The following LHFPL6 variants were observed in gnomAD, a reference collection of about 807,000 sequenced individuals.
LHFPL6 encodes LHFPL tetraspan subfamily member 6 protein.
In LHFPL6, 9 loss-of-function variants were observed where a neutral mutation model predicts 20.6. The ratio of observed to expected loss-of-function variants is 0.44; its 90% CI spans 0.26 to 0.76. The LOEUF (loss-of-function observed/expected upper bound fraction) is 0.76. Among genes scored for constraint, LHFPL6 ranks in the 30% least tolerant of loss-of-function variants. The pLI is 0.20. For synonymous variants in LHFPL6, 105 were observed against 98.7 expected (o/e 1.06, Z -0.38); for missense variants, 218 against 253.5 (o/e 0.86, Z 0.95).
intron 2 of LHFPL6, among the ~76,000 whole-genome samples, chr13:39,450,557 GTCTC>G (rs889539748): frequency 4.5e-4 from 69 of 152,248 alleles, no homozygotes; most frequent in African/African-American, 1.5e-3. Context: ...AGATATCTGT[GTCTC>G]TCTCTATCTA....
chr13:39,399,742 A>C (rs1398094210), intron 2 of LHFPL6, among the ~76,000 whole-genome samples: 1 of 152,212 alleles, frequency 6.6e-6, no homozygotes, highest in Non-Finnish European at 1.5e-5. Flanking sequence ...GGCACCTGAA[A>C]GGAGATGAAG....
chr13:39,545,278 G>T (rs1303788970), intron 2 of LHFPL6, among the ~76,000 whole-genome samples: 2 of 150,200 alleles, frequency 1.3e-5, no homozygotes, highest in East Asian at 1.9e-4. Flanking sequence ...GTGACTAAGG[G>T]TAAGTGGTCA....
chr13:39,496,261 G>A (rs1869097671), intron 2 of LHFPL6, among the ~76,000 whole-genome samples: 1 of 152,076 alleles, frequency 6.6e-6, no homozygotes, highest in Admixed American at 6.6e-5. Context: ...TTCTTTTTGT[G>A]TTCTCCCATG....
chr13:39,566,113 G>A (rs1566143255), intron 2 of LHFPL6, among the ~76,000 whole-genome samples: 2 of 152,058 alleles, frequency 1.3e-5, no homozygotes, highest in African/African-American at 2.4e-5. Context: ...TGCCTCTCAA[G>A]TTCAACATGT....
intron 2 of LHFPL6, among the ~76,000 whole-genome samples, chr13:39,504,570 T>C (rs1248880953): frequency 1.3e-5 from 2 of 152,172 alleles, no homozygotes; most frequent in Admixed American, 1.3e-4. Flanking sequence ...TTGCAGGTGG[T>C]CCCCTTCTTG....
intron 2 of LHFPL6, among the ~76,000 whole-genome samples, chr13:39,489,732 T>A (rs536945757): frequency 6.6e-6 from 1 of 152,136 alleles, no homozygotes; most frequent in Non-Finnish European, 1.5e-5. Context: ...TTTGTATTTT[T>A]AGTAGAGACG....
intron 2 of LHFPL6, among the ~76,000 whole-genome samples, chr13:39,387,325 G>C (rs1245187105): frequency 6.6e-6 from 1 of 151,914 alleles, no homozygotes; most frequent in African/African-American, 2.4e-5. Flanking sequence ...GAAGTGCGTG[G>C]ATCACCAGGT....
intron 2 of LHFPL6, among the ~76,000 whole-genome samples, chr13:39,385,324 T>A (rs1484788565): frequency 6.6e-6 from 1 of 152,268 alleles, no homozygotes; most frequent in Non-Finnish European, 1.5e-5. Flanking sequence ...CCTGCGGTTT[T>A]TGGGTTCACC....
chr13:39,595,962 T>C (rs538163170), intron 2 of LHFPL6, among the ~76,000 whole-genome samples: 2 of 152,316 alleles, frequency 1.3e-5, no homozygotes, highest in African/African-American at 4.8e-5. Context: ...TGATCTATAG[T>C]ACGGTCTTCC....
At chr13:39,515,513 C>T (rs752658266) in intron 2 of LHFPL6, among the ~76,000 whole-genome samples, 14 of 152,190 alleles carry the variant, frequency 9.2e-5, no homozygotes, top group Non-Finnish European at 2.1e-4. Flanking sequence ...TAAAGGCTGT[C>T]GCCTTTCTCC....
At chr13:39,447,299 A>C (rs1395574151) in intron 2 of LHFPL6, among the ~76,000 whole-genome samples, 2 of 152,330 alleles carry the variant, frequency 1.3e-5, no homozygotes, top group Non-Finnish European at 2.9e-5. Context: ...ATTATAAGGG[A>C]AATTTTCATA....
Position 39,547,430 on chromosome 13 carries a change from T to C in LHFPL6, c.385+53402A>G, listed in dbSNP as rs1190637464. On this transcript the variant is annotated intron_variant, in intron 2 of 3. Coordinates refer to ENST00000379589, the MANE Select transcript of LHFPL6 (RefSeq NM_005780.3). ...ACCTTTTAATCCACCAGTAACAAGA[T>C]TTACTATGTTGTTGGCTGAGATCAG... Among the ~76,000 whole-genome samples, 4 of 152,098 alleles carry C rather than the reference T, an allele frequency of 2.6e-5. No individual in the cohort carries two copies. The East Asian group carries it at 7.7e-4, about 29-fold the overall frequency.
intron 3 of LHFPL6, among the ~76,000 whole-genome samples, chr13:39,353,247 A>G (rs771309819): frequency 2.0e-4 from 31 of 151,402 alleles, no homozygotes; most frequent in Non-Finnish European, 3.7e-4. Flanking sequence ...CGGCCTTCCA[A>G]AGTGCTGAGA....
At chr13:39,434,815 G>C (rs1293939225) in intron 2 of LHFPL6, among the ~76,000 whole-genome samples, 1 of 152,110 alleles carries the variant, frequency 6.6e-6, no homozygotes, top group Admixed American at 6.5e-5. Flanking sequence ...CCAGCACTTT[G>C]GGAGGCCGAG....
intron 2 of LHFPL6, among the ~76,000 whole-genome samples, chr13:39,515,983 T>C (rs1593345093): frequency 6.6e-6 from 1 of 152,228 alleles, no homozygotes; most frequent in Non-Finnish European, 1.5e-5. Context: ...TCTTTATTCA[T>C]GGTACTCAAC....
intron 2 of LHFPL6, among the ~76,000 whole-genome samples, chr13:39,414,091 G>GT (rs1408415866): frequency 6.6e-6 from 1 of 152,154 alleles, no homozygotes; most frequent in Non-Finnish European, 1.5e-5. Context: ...AATTTCCAGT[G>GT]TTTGATTGCT....
At chr13:39,366,634 G>A (rs1724380878) in intron 3 of LHFPL6, among the ~76,000 whole-genome samples, 1 of 152,168 alleles carries the variant, frequency 6.6e-6, no homozygotes, top group Non-Finnish European at 1.5e-5. Context: ...CAATTTTGTG[G>A]ACGCTGGCAA....
At chr13:39,404,720 G>A (rs1871076153) in intron 2 of LHFPL6, among the ~76,000 whole-genome samples, 1 of 152,068 alleles carries the variant, frequency 6.6e-6, no homozygotes, top group African/African-American at 2.4e-5. Context: ...ATAGCTTTCT[G>A]TACTTTTTCT....
chr13:39,388,833 T>C (rs1870632729), intron 2 of LHFPL6, among the ~76,000 whole-genome samples: 1 of 152,134 alleles, frequency 6.6e-6, no homozygotes, highest in Non-Finnish European at 1.5e-5. Context: ...CTCCAAGCCT[T>C]CCCCTGACAT....
Sources: gnomAD v4.1 joint callset for allele counts (sites outside exome capture counted in the v4.1 genomes callset) on GRCh38, gnomAD v4.1.1 for gene constraint, MANE v1.5 for transcripts, NCBI Gene and HGNC (gene_info 2026-07-23, HGNC 2026-07-21) for gene names.